SULF1: variants seen among roughly 807,000 people sequenced by gnomAD.
The protein encoded by SULF1 is sulfatase 1, also known as extracellular sulfatase Sulf-1.
Under a neutral mutation model 110.5 loss-of-function variants are expected in SULF1, and 46 were observed. The ratio of observed to expected loss-of-function variants is 0.42; its 90% CI spans 0.33 to 0.53. The LOEUF is 0.53. Ranked by LOEUF, SULF1 falls within the 20% of genes least tolerant of loss-of-function variation. SULF1 has a pLI of 0.12. For synonymous variants in SULF1, 371 were observed against 387.1 expected (o/e 0.96, Z 0.49); for missense variants, 941 against 1,094.2 (o/e 0.86, Z 1.98).
chr8:69,554,987 A>C (rs1158884958), intron 3 of SULF1, among the ~76,000 whole-genome samples: 7 of 100,740 alleles, frequency 6.9e-5, no homozygotes, highest in Non-Finnish European at 1.3e-4. Context: ...TCAAAAAAAA[A>C]AAAAAAAAAA....
intron 6 of SULF1, among the ~76,000 whole-genome samples, chr8:69,580,109 G>T (rs960602118): frequency 6.6e-6 from 1 of 152,070 alleles, no homozygotes; most frequent in Non-Finnish European, 1.5e-5. Context: ...TTCTCTTTCA[G>T]AACTGAGGCA....
chr8:69,552,999 T>C (rs147258471), intron 3 of SULF1, among the ~76,000 whole-genome samples: 3 of 152,302 alleles, frequency 2.0e-5, no homozygotes, highest in African/African-American at 7.2e-5. Context: ...TATTCACTGA[T>C]GAGTGAGAGG....
At chr8:69,641,783 T>C (rs373631912) in intron 22 of SULF1, among the ~76,000 whole-genome samples, 19 of 152,036 alleles carry the variant, frequency 1.2e-4, no homozygotes, top group African/African-American at 4.6e-4. Flanking sequence ...AGACACTCAA[T>C]AGTGTCAACA....
chr8:69,505,881 C>T (rs966234093), intron 3 of SULF1, among the ~76,000 whole-genome samples: 1 of 151,902 alleles, frequency 6.6e-6, no homozygotes, highest in African/African-American at 2.4e-5. Flanking sequence ...AACCATATAA[C>T]AGTCGCTTAA....
intron 1 of SULF1, among the ~76,000 whole-genome samples, chr8:69,479,809 G>C (rs948292327): frequency 6.6e-6 from 1 of 152,116 alleles, no homozygotes; most frequent in African/African-American, 2.4e-5. Flanking sequence ...CTAAATCCAG[G>C]CTTTATCTTT....
intron 1 of SULF1, among the ~76,000 whole-genome samples, chr8:69,473,720 T>C (rs1809189746): frequency 6.6e-6 from 1 of 152,234 alleles, no homozygotes; most frequent in Non-Finnish European, 1.5e-5. Context: ...TCTACTGTCA[T>C]GTAGTTTTCC....
At chr8:69,654,668 G>A (rs1438697025) in intron 22 of SULF1, among the ~76,000 whole-genome samples, 5 of 152,146 alleles carry the variant, frequency 3.3e-5, no homozygotes, top group African/African-American at 7.2e-5. Context: ...TCATCACACC[G>A]GCATCCTCTC....
intron 8 of SULF1, among the ~76,000 whole-genome samples, chr8:69,596,900 C>T (rs1296223143): frequency 2.6e-5 from 4 of 152,074 alleles, no homozygotes; most frequent in African/African-American, 4.8e-5. Flanking sequence ...ATCTCTTAAC[C>T]CCTACAAGAA....
rs938892872 is a variant in SULF1 at position 69,659,133 on chromosome 8, A to G, written c.*598A>G. On this transcript the variant is annotated 3_prime_UTR_variant, in exon 23 of 23. Transcript: ENST00000402687. ...GTGGTCCTGGAAAGGACATTTTTGA[A>G]GATCAACTATATCTTCCTGTGCATT... The G allele has an allele frequency of 2.2e-6, 1 of 456,732 alleles. No homozygotes were observed. The highest frequency in any genetic ancestry group is 2.0e-5 in the African/African-American group (1 of 50,198). The allele number at this position is 456,732 out of a possible 1,614,324, so 28.3% of individuals were successfully genotyped here.
chr8:69,627,713 G>A, intron 16 of SULF1, 59 bp from the exon 17 acceptor site: 2 of 1,156,584 alleles, frequency 1.7e-6, no homozygotes, highest in Non-Finnish European at 2.5e-6. Flanking sequence ...GAAAAGAAAA[G>A]TACTTTGTAA....
intron 1 of SULF1, among the ~76,000 whole-genome samples, chr8:69,479,405 G>A (rs1291219978): frequency 6.6e-6 from 1 of 152,072 alleles, no homozygotes; most frequent in African/African-American, 2.4e-5. Flanking sequence ...CGTATTGGGT[G>A]TTTTTTTCTT....
chr8:69,619,264 G>A (rs1302358740), intron 13 of SULF1, among the ~76,000 whole-genome samples: 2 of 152,080 alleles, frequency 1.3e-5, no homozygotes, highest in African/African-American at 2.4e-5. Flanking sequence ...ACAACTGATA[G>A]ACCTATATGG....
At chr8:69,638,914 G>A in intron 21 of SULF1, 56 bp downstream of exon 21, 1 of 1,536,024 alleles carries the variant, frequency 6.5e-7, no homozygotes, top group Non-Finnish European at 8.8e-7. Context: ...TTGTGTTACT[G>A]AGCTTTCTGC....
intron 19 of SULF1, among the ~76,000 whole-genome samples, chr8:69,633,677 T>G (rs1429143346): frequency 6.6e-6 from 1 of 151,920 alleles, no homozygotes; most frequent in African/African-American, 2.4e-5. Flanking sequence ...TTTTTATTTT[T>G]ATTATATTTT....
intron 3 of SULF1, among the ~76,000 whole-genome samples, chr8:69,512,539 A>G (rs562939768): frequency 6.6e-6 from 1 of 152,344 alleles, no homozygotes; most frequent in South Asian, 2.1e-4. Context: ...TTTGGGTCCC[A>G]GATTGCCTTT....
chr8:69,568,100 C>T (rs1804925101), intron 5 of SULF1, among the ~76,000 whole-genome samples: 1 of 152,108 alleles, frequency 6.6e-6, no homozygotes, highest in African/African-American at 2.4e-5. Context: ...TTTTTTACTC[C>T]AGTGCAATTT....
At chr8:69,609,608 A>C (rs2130459003) in intron 13 of SULF1, among the ~76,000 whole-genome samples, 1 of 152,258 alleles carries the variant, frequency 6.6e-6, no homozygotes, top group East Asian at 1.9e-4. Flanking sequence ...TAAGCTACAA[A>C]CCCAAAGCCA....
chr8:69,646,716 A>G (rs1586630200), intron 22 of SULF1, among the ~76,000 whole-genome samples: 1 of 152,280 alleles, frequency 6.6e-6, no homozygotes, highest in African/African-American at 2.4e-5. Flanking sequence ...TGTGCTGTTC[A>G]TCTCTACACT....
At chr8:69,516,234 C>A (rs1811908555) in intron 3 of SULF1, among the ~76,000 whole-genome samples, 1 of 152,146 alleles carries the variant, frequency 6.6e-6, no homozygotes, top group Non-Finnish European at 1.5e-5. Flanking sequence ...AATTGGCTCA[C>A]AACTCTGCAG....
Sources: gnomAD v4.1 joint callset for allele counts (sites outside exome capture counted in the v4.1 genomes callset) on GRCh38, gnomAD v4.1.1 for gene constraint, MANE v1.5 for transcripts, NCBI Gene and HGNC (gene_info 2026-07-23, HGNC 2026-07-21) for gene names.